The following PPM1H variants were observed in gnomAD, a reference collection of about 807,000 sequenced individuals.
PPM1H encodes protein phosphatase 1H.
PPM1H carries 27 observed loss-of-function variants against 54.9 expected under a neutral mutation model. The ratio of observed to expected loss-of-function variants is 0.49; its 90% CI spans 0.36 to 0.68. The LOEUF is 0.68. PPM1H is among the 30% of genes least tolerant of loss of function. PPM1H has a pLI of 0.00. For missense variants in PPM1H, 596 were observed against 667.8 expected (o/e 0.89, Z 1.19); for synonymous variants, 305 against 270.8 (o/e 1.13, Z -1.24).
chr12:62,930,478 A>T (rs1872098000), intron 1 of PPM1H, among the ~76,000 whole-genome samples: 1 of 152,254 alleles, frequency 6.6e-6, no homozygotes, highest in African/African-American at 2.4e-5. Context: ...ATTGTTGCTC[A>T]AAACCACAAC....
chr12:62,845,051 A>G (rs1419485290), intron 1 of PPM1H, among the ~76,000 whole-genome samples: 1 of 152,236 alleles, frequency 6.6e-6, no homozygotes, highest in Non-Finnish European at 1.5e-5. Flanking sequence ...TGCCTTATAA[A>G]TAAGTTCTCA....
intron 1 of PPM1H, 100 bp from the exon 2 acceptor site, chr12:62,832,379 G>A: frequency 8.9e-7 from 1 of 1,122,718 alleles, no homozygotes. Flanking sequence ...AACTGGCCCA[G>A]AACTACAGCC....
intron 4 of PPM1H, among the ~76,000 whole-genome samples, chr12:62,760,421 C>T (rs1226681287): frequency 6.6e-6 from 1 of 152,142 alleles, no homozygotes; most frequent in African/African-American, 2.4e-5. Flanking sequence ...GCTGCTCCTC[C>T]TCCGGTCGCT....
chr12:62,785,102 A>T (rs191774778), intron 4 of PPM1H, among the ~76,000 whole-genome samples: 1 of 152,220 alleles, frequency 6.6e-6, no homozygotes, highest in Non-Finnish European at 1.5e-5. Context: ...ATTTTTTTTT[A>T]AATGTTTTAC....
At chr12:62,675,952 G>A (rs1158354064) in intron 8 of PPM1H, among the ~76,000 whole-genome samples, 1 of 152,242 alleles carries the variant, frequency 6.6e-6, no homozygotes, top group Non-Finnish European at 1.5e-5. Context: ...AAGAAGCCCA[G>A]AACATAGCTG....
In PPM1H at chr12:62,839,006, G is replaced by T. The variant is rs542120578; in HGVS notation, c.246-6727C>A. On this transcript the variant is annotated intron_variant, in intron 1 of 9. Transcript: ENST00000228705. Reference sequence around the variant, plus strand: ...CTGGCTCCGGGTGGCAGGGGGACAGGAGATCATCTCAGCCTGTTCACAATC... The same window carrying T: ...CTGGCTCCGGGTGGCAGGGGGACAGTAGATCATCTCAGCCTGTTCACAATC... 2.0e-5 allele frequency among the ~76,000 whole-genome samples: 3 copies of T among 151,440 alleles called. No individual in the cohort carries two copies. The East Asian group carries it at 5.8e-4, about 29-fold the overall frequency.
At chr12:62,795,348 T>C (rs1260247651) in intron 3 of PPM1H, among the ~76,000 whole-genome samples, 4 of 152,152 alleles carry the variant, frequency 2.6e-5, no homozygotes, top group Non-Finnish European at 4.4e-5. Flanking sequence ...AACATTTCAC[T>C]ACCTCCTTTT....
intron 1 of PPM1H, among the ~76,000 whole-genome samples, chr12:62,917,234 T>C (rs1004382499): frequency 1.3e-5 from 2 of 152,232 alleles, no homozygotes; most frequent in Admixed American, 6.5e-5. Flanking sequence ...TCTGCGGCAA[T>C]TTAACGGCCA....
intron 4 of PPM1H, among the ~76,000 whole-genome samples, chr12:62,738,401 GA>G (rs1384773455): frequency 6.6e-6 from 1 of 152,040 alleles, no homozygotes; most frequent in African/African-American, 2.4e-5. Context: ...CAAGGCTCAG[GA>G]AACTCATACA....
intron 4 of PPM1H, among the ~76,000 whole-genome samples, chr12:62,738,747 C>G (rs1175593624): frequency 1.3e-5 from 2 of 152,110 alleles, no homozygotes; most frequent in Non-Finnish European, 2.9e-5. Flanking sequence ...CAGTGAGGAG[C>G]CACCAACATG....
intron 4 of PPM1H, among the ~76,000 whole-genome samples, chr12:62,740,649 A>T (rs574900383): frequency 6.6e-6 from 1 of 152,324 alleles, no homozygotes; most frequent in African/African-American, 2.4e-5. Flanking sequence ...TGTAAGCTGG[A>T]CAAGAACCAT....
intron 9 of PPM1H, among the ~76,000 whole-genome samples, chr12:62,665,157 C>T (rs769410367): frequency 4.6e-5 from 7 of 152,112 alleles, no homozygotes; most frequent in Non-Finnish European, 8.8e-5. Flanking sequence ...AAACAATTCT[C>T]ATGCCTCAGC....
At chr12:62,755,090 T>A (rs1381554758) in intron 4 of PPM1H, 1 of 364,684 alleles carries the variant, frequency 2.7e-6, no homozygotes, top group Non-Finnish European at 5.3e-6. Flanking sequence ...CGTCTTTGGA[T>A]GGTGAGAATA....
intron 6 of PPM1H, among the ~76,000 whole-genome samples, chr12:62,716,098 C>A (rs1249357474): frequency 6.6e-6 from 1 of 152,210 alleles, no homozygotes; most frequent in African/African-American, 2.4e-5. Context: ...ACATTTGCAT[C>A]AGCTGTGTGC....
intron 2 of PPM1H, among the ~76,000 whole-genome samples, chr12:62,804,156 G>T (rs1376214153): frequency 6.6e-6 from 1 of 152,054 alleles, no homozygotes; most frequent in Admixed American, 6.6e-5. Context: ...ATACTGGAAG[G>T]TTCTAGATAG....
chr12:62,796,761 C>T (rs1197060252), intron 3 of PPM1H, among the ~76,000 whole-genome samples: 5 of 152,184 alleles, frequency 3.3e-5, no homozygotes, highest in Non-Finnish European at 7.4e-5. Flanking sequence ...ATGCGTGCAC[C>T]CGTGTGCGCG....
intron 5 of PPM1H, among the ~76,000 whole-genome samples, chr12:62,730,970 G>A (rs2076317501): frequency 6.6e-6 from 1 of 152,072 alleles, no homozygotes; most frequent in Admixed American, 6.6e-5. Flanking sequence ...TGTATAGGTT[G>A]GATTCTTTCA....
At chr12:62,771,264 G>A (rs2076578051) in intron 4 of PPM1H, among the ~76,000 whole-genome samples, 1 of 138,904 alleles carries the variant, frequency 7.2e-6, no homozygotes, top group Non-Finnish European at 1.5e-5. Context: ...GTGTCCCAAA[G>A]CAACTAAATT....
intron 7 of PPM1H, among the ~76,000 whole-genome samples, chr12:62,691,828 G>GTGA (rs2076084757): frequency 1.6e-5 from 2 of 124,608 alleles, no homozygotes; most frequent in Admixed American, 8.0e-5. Flanking sequence ...AAAAAAAAAA[G>GTGA]TGATGCAAAG....
Sources: gnomAD v4.1 joint callset for allele counts (sites outside exome capture counted in the v4.1 genomes callset) on GRCh38, gnomAD v4.1.1 for gene constraint, MANE v1.5 for transcripts, NCBI Gene and HGNC (gene_info 2026-07-23, HGNC 2026-07-21) for gene names.